The following ARHGEF4 variants were observed in gnomAD, a reference collection of about 807,000 sequenced individuals.
The protein encoded by ARHGEF4 is Rho guanine nucleotide exchange factor 4, also known as APC-stimulated guanine nucleotide exchange factor 1.
In ARHGEF4, 119 loss-of-function variants were observed where a neutral mutation model predicts 162.0. The ratio of observed to expected loss-of-function variants is 0.73; its 90% confidence interval spans 0.63 to 0.86. ARHGEF4 has a LOEUF of 0.86. Among genes scored for constraint, ARHGEF4 ranks in the 40% least tolerant of loss-of-function variants. The pLI, the probability that ARHGEF4 is intolerant of heterozygous loss-of-function variation, is 0.00. For synonymous variants in ARHGEF4, 1,014 were observed against 979.9 expected (o/e 1.03, Z -0.65); for missense variants, 2,488 against 2,456.0 (o/e 1.01, Z -0.28).
chr2:130,837,082 G>C, intron 1 of ARHGEF4, 90 bp downstream of exon 1: 2 of 1,185,062 alleles, frequency 1.7e-6, no homozygotes, highest in Non-Finnish European at 2.1e-6. Context: ...GCTGCGCCCC[G>C]GGCCGTCCCC....
intron 1 of ARHGEF4, among the ~76,000 whole-genome samples, chr2:130,876,438 C>T (rs1229983080): frequency 1.3e-5 from 2 of 152,216 alleles, no homozygotes; most frequent in Non-Finnish European, 2.9e-5. Flanking sequence ...GTCACCCAGG[C>T]TGGAGTGCAG....
At chr2:130,963,777 G>C (rs1198425255) in intron 4 of ARHGEF4, 2 of 147,030 alleles carry the variant, frequency 1.4e-5, no homozygotes, top group African/African-American at 2.4e-5. Flanking sequence ...GCTCTGCCGG[G>C]AGGGCGCCTG....
rs540483354 is a variant in ARHGEF4, at chr2:131,045,646, ACT to A, written c.5479+204_5479+205del. 12,064 of 1,515,834 alleles carry A rather than the reference ACT, an allele frequency of 8.0e-3. 54 individuals carry two copies. The highest frequency in any genetic ancestry group is 9.6e-3 in the Non-Finnish European group (10,804 of 1,130,952). 93.9% of individuals were successfully genotyped at this position (1,515,834 alleles called of 1,614,324 possible). ...GGGTCAGTATATGGTTGACATTCTT[ACT>A]CTCAACACCTTGGCTCCCCCAGATC... On this transcript the variant is annotated intron_variant, in intron 13 of 13. Transcript: ENST00000409359.
At chr2:130,883,167 G>A (rs1318135714) in intron 1 of ARHGEF4, among the ~76,000 whole-genome samples, 2 of 152,068 alleles carry the variant, frequency 1.3e-5, no homozygotes, top group Non-Finnish European at 2.9e-5. Context: ...CTCGGATGTA[G>A]TGGGCAGACA....
chr2:130,992,305 G>A (rs558614132), intron 4 of ARHGEF4, among the ~76,000 whole-genome samples: 1 of 152,268 alleles, frequency 6.6e-6, no homozygotes, highest in East Asian at 1.9e-4. Flanking sequence ...CTTCCACACT[G>A]TGGAAGCTTT....
chr2:130,872,797 G>A (rs996828456), intron 1 of ARHGEF4, among the ~76,000 whole-genome samples: 36 of 152,202 alleles, frequency 2.4e-4, no homozygotes, highest in African/African-American at 7.7e-4. Flanking sequence ...TGTCAGCTGG[G>A]AGCAGCAGCA....
At position 130,915,688 on chromosome 2, in the gene ARHGEF4, A is replaced by G. The variant is rs200565791; in HGVS notation, c.1742A>G (p.Gln581Arg). The change falls in exon 2 of 14, where the codon CAG becomes CGG. Residue 581 changes from glutamine (Q) to arginine (R), a missense_variant. Coordinates refer to ENST00000409359, the MANE Select transcript of ARHGEF4 (RefSeq NM_001367493.1). ...GTTCTAGACCCCAACTACAGGGAAC[A>G]GGCTTTGCAAGGTCTTTCAGAATTC... Reference protein sequence around the residue: ...AMVLDPNYREQALQGLSEFKA... With the variant: ...AMVLDPNYRERALQGLSEFKA... The G allele has an allele frequency of 2.1e-5, 33 of 1,550,358 alleles. No homozygotes were observed. The highest frequency in any genetic ancestry group is 2.9e-5 in the Non-Finnish European group (33 of 1,146,974).
intron 2 of ARHGEF4, among the ~76,000 whole-genome samples, chr2:130,928,328 C>T (rs373670253): frequency 3.3e-5 from 5 of 152,254 alleles, no homozygotes; most frequent in South Asian, 2.1e-4. Flanking sequence ...AGGATTATAC[C>T]GGGAAAGAAT....
chr2:130,966,302 C>T (rs1296995704), intron 4 of ARHGEF4, among the ~76,000 whole-genome samples: 1 of 152,208 alleles, frequency 6.6e-6, no homozygotes. Flanking sequence ...CTCAACTGGT[C>T]AGAATTAACT....
intron 1 of ARHGEF4, among the ~76,000 whole-genome samples, chr2:130,895,890 T>C (rs1000046408): frequency 1.3e-5 from 2 of 152,170 alleles, no homozygotes; most frequent in Admixed American, 6.5e-5. Flanking sequence ...TTTTGAATCT[T>C]ATTTGTTTAA....
intron 9 of ARHGEF4, 73 bp from the exon 10 acceptor site, chr2:131,041,742 G>T (rs1352915629): frequency 1.3e-6 from 2 of 1,558,814 alleles, no homozygotes; most frequent in African/African-American, 1.4e-5. Flanking sequence ...CTCCACACGT[G>T]GGGGCTGCAG....
At chr2:130,883,257 G>A (rs895613715) in intron 1 of ARHGEF4, among the ~76,000 whole-genome samples, 11 of 151,994 alleles carry the variant, frequency 7.2e-5, no homozygotes, top group African/African-American at 1.9e-4. Context: ...GTGGGCATGG[G>A]GCCTCTCTGC....
intron 2 of ARHGEF4, among the ~76,000 whole-genome samples, chr2:130,922,538 G>A (rs1681938799): frequency 6.6e-6 from 1 of 152,162 alleles, no homozygotes; most frequent in African/African-American, 2.4e-5. Flanking sequence ...TTGTTTATCA[G>A]GAATTCTCAT....
chr2:130,914,366 C>G lies in ARHGEF4; in HGVS notation c.420C>G (p.Asp140Glu). The G allele has an allele frequency of 6.9e-7, 1 of 1,448,292 alleles. No homozygotes were observed. Among genetic ancestry groups the G allele is most frequent in the Non-Finnish European group, 9.0e-7 (1 of 1,106,198 alleles). The allele number at this position is 1,448,292 out of a possible 1,614,324, so 89.7% of individuals were successfully genotyped here. A position where few individuals can be genotyped will look rare whatever the true frequency, so the allele number is the denominator to read the frequency against. ...ATTTGTCCCCTAGCTTAGAGGATGA[C>G]TCTTGCAAAAATGGGTGGCGAGCCT... ...ELDLSPSLED[D>E]SCKNGWRAFA... The change falls in exon 2 of 14, where the codon GAC becomes GAG. Residue 140 changes from aspartate to glutamate, a missense_variant. Coordinates refer to ENST00000409359, the MANE Select transcript of ARHGEF4 (RefSeq NM_001367493.1).
intron 4 of ARHGEF4, among the ~76,000 whole-genome samples, chr2:131,026,802 A>G (rs888118035): frequency 2.6e-5 from 4 of 152,150 alleles, no homozygotes; most frequent in Non-Finnish European, 5.9e-5. Flanking sequence ...AGGTTCTGGG[A>G]AACTATTTGG....
At chr2:130,868,074 C>T (rs1265349265) in intron 1 of ARHGEF4, among the ~76,000 whole-genome samples, 1 of 151,278 alleles carries the variant, frequency 6.6e-6, no homozygotes, top group African/African-American at 2.4e-5. Flanking sequence ...TACAGGCGCC[C>T]GCCACCACGC....
chr2:130,851,480 T>G (rs1464215413), intron 1 of ARHGEF4, among the ~76,000 whole-genome samples: 7 of 152,120 alleles, frequency 4.6e-5, no homozygotes, highest in Non-Finnish European at 8.8e-5. Context: ...TCATGCGGGT[T>G]GGGGAGTTTG....
At chr2:130,932,982 C>T (rs1204798031) in intron 3 of ARHGEF4, among the ~76,000 whole-genome samples, 5 of 152,084 alleles carry the variant, frequency 3.3e-5, no homozygotes, top group African/African-American at 7.2e-5. Flanking sequence ...TTGGGGAAGC[C>T]GAGGCGGTGG....
intron 1 of ARHGEF4, among the ~76,000 whole-genome samples, chr2:130,895,058 T>C (rs1361434740): frequency 6.6e-6 from 1 of 152,208 alleles, no homozygotes; most frequent in East Asian, 1.9e-4. Flanking sequence ...TTTTCTATTA[T>C]TTAAAAAAGC....
Sources: allele counts gnomAD v4.1 joint callset (sites outside exome capture counted in the v4.1 genomes callset), GRCh38; gene constraint gnomAD v4.1.1; transcripts MANE v1.5; gene names NCBI Gene and HGNC (gene_info 2026-07-23, HGNC 2026-07-21).